Variants in EPB41L1 observed in about 807,000 individuals in gnomAD.
EPB41L1 encodes the protein erythrocyte membrane protein band 4.1 like 1.
Under a neutral mutation model 97.8 loss-of-function variants are expected in EPB41L1, and 29 were observed. The ratio of observed to expected loss-of-function variants is 0.30; its 90% confidence interval spans 0.22 to 0.40. EPB41L1 has a LOEUF of 0.40. Among genes scored for constraint, EPB41L1 ranks in the 10% least tolerant of loss-of-function variants. EPB41L1 has a pLI of 1.00. For synonymous variants in EPB41L1, 383 were observed against 459.2 expected (o/e 0.83, Z 2.12); for missense variants, 812 against 1,162.3 (o/e 0.70, Z 4.38).
rs2063028447 is a variant in EPB41L1 at position 36,209,773 on chromosome 20, ACT to A, written c.1955_1956del (p.Thr652ArgfsTer18). 6.2e-7 allele frequency: 1 copy of A among 1,613,922 alleles called. No individual in the cohort carries two copies. The highest frequency in any genetic ancestry group is 8.5e-7 in the Non-Finnish European group (1 of 1,180,034). On this transcript the variant is annotated frameshift_variant, in exon 15 of 22. Coordinates refer to ENST00000338074, the MANE Select transcript of EPB41L1 (RefSeq NM_012156.2). LOFTEE classifies it high-confidence loss of function. The surrounding 1 kb of genome is among the most constrained non-coding windows in gnomAD (Gnocchi z 4.2). ...CGACCGGGACAAAAGCGACTCGGAC[ACT>A]GAGGGCCTGCTGTTCTCCCGGGATC... ...ELDRDKSDSD[T>X]EGLLFSRDLN...
upstream of EPB41L1, among the ~76,000 whole-genome samples, chr20:36,153,336 A>T (rs1329652596): frequency 6.6e-6 from 1 of 151,954 alleles, no homozygotes; most frequent in East Asian, 1.9e-4. Context: ...TGGAGAGCCC[A>T]CTGGTGAGGC....
In EPB41L1 at chr20:36,204,471, C is replaced by CTTTTT. The variant is rs765673962; in HGVS notation, c.1669-4995_1669-4991dup. 7.6e-4 allele frequency among the ~76,000 whole-genome samples: 69 copies of CTTTTT among 90,600 alleles called. 7 individuals carry two copies. The highest frequency in any genetic ancestry group is 3.9e-3 in the African/African-American group (67 of 17,386). 59.4% of individuals were successfully genotyped at this position (90,600 alleles called of 152,430 possible). On this transcript the variant is annotated intron_variant, in intron 14 of 21. Coordinates refer to ENST00000338074, the MANE Select transcript of EPB41L1 (RefSeq NM_012156.2). ...GGCCTAACAGTGCTGCGATCTGGTGCTTTTTTTTTTTTTTTTTTTTTTTTT... is the reference window on the plus strand; with the variant it reads ...GGCCTAACAGTGCTGCGATCTGGTGCTTTTTTTTTTTTTTTTTTTTTTTTTTTTTT...
chr20:36,207,218 C>T lies in EPB41L1; in HGVS notation c.1669-2270C>T. ...CTTAGACATGTCCATCTTTCGAAAG[C>T]CAGCCCAGAGCCCAAGGACCAAGTA... On this transcript the variant is annotated intron_variant, in intron 14 of 21. Coordinates refer to ENST00000338074, the MANE Select transcript of EPB41L1 (RefSeq NM_012156.2). The surrounding 1 kb of genome is among the most constrained non-coding windows in gnomAD (Gnocchi z 4.9). 7.8e-7 allele frequency: 1 copy of T among 1,283,416 alleles called. No homozygotes were observed. Among genetic ancestry groups the T allele is most frequent in the Non-Finnish European group, 1.0e-6 (1 of 984,682 alleles). 79.5% of individuals were successfully genotyped at this position (1,283,416 alleles called of 1,614,324 possible).
chr20:36,165,890 G>T (rs2060719483), intron 1 of EPB41L1, among the ~76,000 whole-genome samples: 1 of 152,236 alleles, frequency 6.6e-6, no homozygotes, highest in Middle Eastern at 3.2e-3. Context: ...CCCTGAGGTT[G>T]CTGGAATGCC....
chr20:36,120,543 C>T (rs1280240413), intron 2 of EPB41L1, among the ~76,000 whole-genome samples: 1 of 152,170 alleles, frequency 6.6e-6, no homozygotes, highest in Non-Finnish European at 1.5e-5. Flanking sequence ...AACCGTGTCC[C>T]TGTCTGTTTG....
chr20:36,112,757 G>A (rs574066844), intron 2 of EPB41L1, among the ~76,000 whole-genome samples: 5 of 152,320 alleles, frequency 3.3e-5, no homozygotes, highest in South Asian at 4.1e-4. Context: ...TGCCACCGTG[G>A]CTGGTGAAGG....
intron 14 of EPB41L1, among the ~76,000 whole-genome samples, chr20:36,202,719 A>G (rs903834422): frequency 5.3e-5 from 8 of 151,128 alleles, no homozygotes; most frequent in South Asian, 2.1e-4. Flanking sequence ...AGGCTGAGGC[A>G]GGAGAATCGC....
At chr20:36,120,518 C>G (rs1194867342) in intron 2 of EPB41L1, among the ~76,000 whole-genome samples, 2 of 152,186 alleles carry the variant, frequency 1.3e-5, no homozygotes, top group African/African-American at 2.4e-5. Context: ...TCTAGGATTT[C>G]TGAAGCTCTA....
intron 11 of EPB41L1, among the ~76,000 whole-genome samples, chr20:36,192,291 G>A (rs867875538): frequency 9.9e-5 from 15 of 152,074 alleles, no homozygotes; most frequent in East Asian, 3.9e-4. Context: ...CCAACACTTC[G>A]GGAAGCCAAG....
rs535589900 is a variant in EPB41L1, at chr20:36,124,629, G to T, written c.-10+12149G>T. Among the ~76,000 whole-genome samples, 10 of 152,146 alleles carry T rather than the reference G, an allele frequency of 6.6e-5. No homozygotes were observed. The South Asian group carries it at 8.3e-4, about 13-fold the overall frequency. ...GTTTAATTTAGTCCTCCCACCCCCT[G>T]CACTGCTTTTTTCACCACCTCTTGA... On this transcript the variant is annotated intron_variant, in intron 2 of 19. Transcript: ENST00000202028.
intron 1 of EPB41L1, among the ~76,000 whole-genome samples, chr20:36,166,921 G>A (rs545309948): frequency 1.3e-5 from 2 of 152,270 alleles, no homozygotes; most frequent in South Asian, 4.1e-4. Flanking sequence ...TAATGGATTC[G>A]AAGTTTCTGT....
chr20:36,182,366 G>C lies in EPB41L1; in HGVS notation c.566+19G>C. On this transcript the variant is annotated intron_variant, in intron 6 of 21. Coordinates refer to ENST00000338074, the MANE Select transcript of EPB41L1 (RefSeq NM_012156.2). ...TCACAAGGTGAGGGCTGTGGAGGGAGAGACAGGTGTGCTGGCTGTGTGGGA... is the reference window on the plus strand; with the variant it reads ...TCACAAGGTGAGGGCTGTGGAGGGACAGACAGGTGTGCTGGCTGTGTGGGA... 3 of 1,613,528 alleles carry C rather than the reference G, an allele frequency of 1.9e-6. No individual in the cohort carries two copies. The highest frequency in any genetic ancestry group is 1.7e-6 in the Non-Finnish European group (2 of 1,179,450).
rs916699501 is a variant in EPB41L1 at position 36,207,471 on chromosome 20, C to T, written c.1669-2017C>T. 4.4e-5 allele frequency: 57 copies of T among 1,289,740 alleles called. No individual in the cohort carries two copies. The highest frequency in any genetic ancestry group is 5.7e-5 in the Non-Finnish European group (56 of 988,854). 79.9% of individuals were successfully genotyped at this position (1,289,740 alleles called of 1,614,324 possible). On this transcript the variant is annotated intron_variant, in intron 14 of 21. Coordinates refer to ENST00000338074, the MANE Select transcript of EPB41L1 (RefSeq NM_012156.2). This position sits in a 1 kb window ranked among gnomAD's most constrained non-coding sequence, Gnocchi z 4.9. ...CCAACAAAATTCGGATATTTGAGAC[C>T]CACGGAGCTGAAACTCGCCGAATGA...
upstream of EPB41L1, among the ~76,000 whole-genome samples, chr20:36,153,363 G>A (rs181802551): frequency 4.2e-4 from 64 of 152,132 alleles, no homozygotes; most frequent in African/African-American, 1.5e-3. Flanking sequence ...TGAGGGAATC[G>A]CATCAGGGAA....
rs1443051245 is a variant in EPB41L1 at position 36,092,273 on chromosome 20, T to C, written c.-65+661T>C. Among the ~76,000 whole-genome samples the C allele has an allele frequency of 6.6e-6, 1 of 151,924 alleles. No homozygotes were observed. Among genetic ancestry groups the C allele is most frequent in the Non-Finnish European group, 1.5e-5 (1 of 67,962 alleles). On this transcript the variant is annotated intron_variant, in intron 1 of 19. Transcript: ENST00000202028. The surrounding 1 kb of genome is among the most constrained non-coding windows in gnomAD (Gnocchi z 7.0). ...GCCGAGAAGTCTAAGCTAGGGAAAA[T>C]CGAGGTCGGCGCTGGCGGGAACCCG...
rs773927205 is a variant in EPB41L1, at chr20:36,195,296, C to G, written c.1450-33C>G. 1 of 1,613,968 alleles carries G rather than the reference C, an allele frequency of 6.2e-7. No homozygotes were observed. Among genetic ancestry groups the G allele is most frequent in the Admixed American group, 1.7e-5 (1 of 60,028 alleles). On this transcript the variant is annotated intron_variant, in intron 12 of 21. Transcript: ENST00000338074. This position sits in a 1 kb window ranked among gnomAD's most constrained non-coding sequence, Gnocchi z 4.6. The stretch of plus-strand genomic sequence containing the variant: ...TAATCCATCTGCTCTACTGACCCTG[C>G]TGCTTTCTTTCCCTCCTACCACATC...
chr20:36,173,654 C>G, intron 1 of EPB41L1, 110 bp from the exon 2 acceptor site: 1 of 979,874 alleles, frequency 1.0e-6, no homozygotes, highest in Non-Finnish European at 1.6e-6. Context: ...CCCTGTGACT[C>G]TTTGTCCGTT....
chr20:36,178,543 C>A (rs922672808), intron 4 of EPB41L1, 87 bp from the exon 5 acceptor site: 4 of 1,363,910 alleles, frequency 2.9e-6, no homozygotes, highest in Non-Finnish European at 4.2e-6. Context: ...GGGCTGCTGA[C>A]CAGCCATTTC....
intron 17 of EPB41L1, among the ~76,000 whole-genome samples, chr20:36,216,694 T>C (rs1296296847): frequency 6.6e-6 from 1 of 152,110 alleles, no homozygotes; most frequent in Non-Finnish European, 1.5e-5. Flanking sequence ...TGAATCCAGC[T>C]TGAAGAAGGG....
Sources: allele counts gnomAD v4.1 joint callset (sites outside exome capture counted in the v4.1 genomes callset), GRCh38; gene constraint gnomAD v4.1.1; non-coding constraint Gnocchi (gnomAD v3.1); transcripts MANE v1.5; gene names NCBI Gene and HGNC (gene_info 2026-07-23, HGNC 2026-07-21).